Variants in DOP1A observed in about 807,000 individuals in gnomAD.
DOP1A encodes DOP1 leucine zipper like protein A.
A neutral mutation model predicts 267.6 loss-of-function variants in DOP1A; 90 were observed. The observed-to-expected ratio is 0.34, with a 90% confidence interval of 0.28 to 0.40. The LOEUF (loss-of-function observed/expected upper bound fraction) is 0.40, where lower values mean the gene tolerates loss of function less well. Among genes scored for constraint, DOP1A ranks in the 10% least tolerant of loss-of-function variants. DOP1A has a pLI of 1.00. For missense variants in DOP1A, 2,437 were observed against 2,900.4 expected (o/e 0.84, Z 3.67); for synonymous variants, 932 against 999.1 (o/e 0.93, Z 1.27).
chr6:83,167,232 C>G (rs1785952181), intron 38 of DOP1A: 4 of 949,960 alleles, frequency 4.2e-6, no homozygotes, highest in African/African-American at 1.8e-5. Context: ...AGAGCCAGCA[C>G]ACTAACTCAA....
chr6:83,078,550 A>G (rs915250324), intron 1 of DOP1A, among the ~76,000 whole-genome samples: 1 of 152,240 alleles, frequency 6.6e-6, no homozygotes, highest in African/African-American at 2.4e-5. Context: ...AAATCGCACA[A>G]GTACAAACTT....
chr6:83,096,529 C>G (rs1246384774), intron 1 of DOP1A, among the ~76,000 whole-genome samples: 1 of 150,800 alleles, frequency 6.6e-6, no homozygotes, highest in East Asian at 1.9e-4. Context: ...TTTCTTTCTT[C>G]CCCTGTGTTC....
intron 1 of DOP1A, among the ~76,000 whole-genome samples, chr6:83,094,439 T>A (rs974426514): frequency 2.6e-5 from 4 of 152,228 alleles, no homozygotes; most frequent in Admixed American, 6.5e-5. Flanking sequence ...AATTTATGGC[T>A]TATAGTAATT....
intron 16 of DOP1A, 98 bp from the exon 17 acceptor site, chr6:83,130,025 T>C: frequency 6.8e-7 from 1 of 1,467,216 alleles, no homozygotes; most frequent in South Asian, 1.4e-5. Flanking sequence ...GATCAAGGCC[T>C]TAAAAGTATT....
chr6:83,074,576 G>A (rs1766699896), intron 1 of DOP1A, among the ~76,000 whole-genome samples: 1 of 152,076 alleles, frequency 6.6e-6, no homozygotes, highest in African/African-American at 2.4e-5. Flanking sequence ...TCTCCTTCCA[G>A]TATAGTATTT....
rs529616426 is a variant in DOP1A at position 83,088,146 on chromosome 6, A to G, written c.-146-8585A>G. Among the ~76,000 whole-genome samples, 4 of 152,240 alleles carry G rather than the reference A, an allele frequency of 2.6e-5. No homozygotes were observed. The East Asian group carries it at 5.8e-4, about 22-fold the overall frequency. ...CTCGGTCTCCCAAAGTGTTGGGATT[A>G]CAGGTGTGAGCCACCGCACCCGGCC... On this transcript the variant is annotated intron_variant, in intron 1 of 38. Coordinates refer to ENST00000349129, the MANE Select transcript of DOP1A (RefSeq NM_015018.4).
intron 38 of DOP1A, chr6:83,165,756 C>T (rs541687559): frequency 1.3e-4 from 31 of 238,022 alleles, no homozygotes; most frequent in Middle Eastern, 1.6e-3. Context: ...GTTCAATTTT[C>T]GAAGCGTTGG....
chr6:83,113,489 AT>A (rs1562312124), intron 7 of DOP1A, 68 bp downstream of exon 7: 1 of 1,305,262 alleles, frequency 7.7e-7, no homozygotes, highest in Admixed American at 1.7e-5. Flanking sequence ...ATGTGTAGTT[AT>A]TTTTTAAAGG....
intron 18 of DOP1A, among the ~76,000 whole-genome samples, chr6:83,132,843 G>A (rs1778292994): frequency 6.6e-6 from 1 of 152,178 alleles, no homozygotes; most frequent in South Asian, 2.1e-4. Flanking sequence ...TCAGTTAAAG[G>A]TGGCTGAGAA....
At chr6:83,164,772 T>A in intron 38 of DOP1A, 1 of 1,476,410 alleles carries the variant, frequency 6.8e-7, no homozygotes, top group Non-Finnish European at 9.2e-7. Flanking sequence ...TGCCAAATAT[T>A]GAGACACAAA....
intron 1 of DOP1A, among the ~76,000 whole-genome samples, chr6:83,089,374 A>G (rs921281972): frequency 1.3e-5 from 2 of 152,244 alleles, no homozygotes; most frequent in African/African-American, 2.4e-5. Context: ...TTCATAGGGC[A>G]TAACTTGCCC....
chr6:83,125,981 A>G (rs1777088802), intron 15 of DOP1A, among the ~76,000 whole-genome samples: 1 of 152,062 alleles, frequency 6.6e-6, no homozygotes. Flanking sequence ...ACATTAAAGT[A>G]AAAAGCAGGT....
chr6:83,145,720 A>G, intron 25 of DOP1A, 62 bp downstream of exon 25: 1 of 1,537,790 alleles, frequency 6.5e-7, no homozygotes, highest in Non-Finnish European at 8.8e-7. Context: ...TGCTGGTAAG[A>G]TTTTTTTTTG....
intron 38 of DOP1A, chr6:83,164,681 A>G (rs755240508): frequency 1.9e-6 from 3 of 1,587,032 alleles, no homozygotes; most frequent in Non-Finnish European, 1.7e-6. Context: ...GGACTTTAAG[A>G]CAGTGATTTT....
chr6:83,112,555 C>T (rs745636749), intron 6 of DOP1A, among the ~76,000 whole-genome samples: 27 of 152,156 alleles, frequency 1.8e-4, no homozygotes, highest in Admixed American at 7.2e-4. Flanking sequence ...CCTCCACCTC[C>T]AGGGTTCAAG....
intron 38 of DOP1A, chr6:83,165,056 G>A (rs1785132363): frequency 9.2e-6 from 2 of 217,396 alleles, no homozygotes; most frequent in Non-Finnish European, 1.8e-5. Context: ...TCTTACATTT[G>A]GAAGTTAGCT....
intron 1 of DOP1A, among the ~76,000 whole-genome samples, chr6:83,078,414 T>G (rs370757712): frequency 8.2e-4 from 125 of 152,310 alleles, no homozygotes; most frequent in African/African-American, 2.8e-3. Context: ...TAAAATTAAT[T>G]GGCTCTTGGA....
chr6:83,135,965 T>C (rs1778806677), intron 20 of DOP1A, 87 bp downstream of exon 20: 4 of 1,455,130 alleles, frequency 2.7e-6, no homozygotes, highest in East Asian at 4.9e-5. Flanking sequence ...TTGAAAGAAC[T>C]GCATGTGAGA....
intron 33 of DOP1A, among the ~76,000 whole-genome samples, chr6:83,155,038 T>A (rs1293656494): frequency 1.3e-5 from 2 of 152,164 alleles, no homozygotes; most frequent in Non-Finnish European, 2.9e-5. Flanking sequence ...ATTTTAAAAG[T>A]TGTGAAGGAA....
Sources: gnomAD v4.1 joint callset for allele counts (sites outside exome capture counted in the v4.1 genomes callset) on GRCh38, gnomAD v4.1.1 for gene constraint, MANE v1.5 for transcripts, NCBI Gene and HGNC (gene_info 2026-07-23, HGNC 2026-07-21) for gene names.